Variants in ZNF366 observed in about 807,000 individuals in gnomAD.
The protein encoded by ZNF366 is dendritic cell-specific transcript protein.
Under a neutral mutation model 47.2 loss-of-function variants are expected in ZNF366, and 20 were observed. The observed-to-expected ratio is 0.42, with a 90% CI of 0.30 to 0.62. The LOEUF (loss-of-function observed/expected upper bound fraction) is 0.62, where lower values mean the gene tolerates loss of function less well. ZNF366 is among the 20% of genes least tolerant of loss of function. The pLI, the probability that ZNF366 is intolerant of heterozygous loss-of-function variation, is 0.16. For synonymous variants in ZNF366, 421 were observed against 395.1 expected, an observed-to-expected ratio of 1.07 and a Z score of -0.78; for missense variants, 987 against 976.3, an observed-to-expected ratio of 1.01 and a Z score of -0.15.
intron 1 of ZNF366, among the ~76,000 whole-genome samples, chr5:72,471,090 G>A (rs889948946): frequency 6.6e-6 from 1 of 152,150 alleles, no homozygotes; most frequent in Admixed American, 6.5e-5. Flanking sequence ...GGGGGAGCAG[G>A]CCACCATGAT....
At chr5:72,461,876 A>T (rs1028187367) in intron 1 of ZNF366, among the ~76,000 whole-genome samples, 1 of 152,242 alleles carries the variant, frequency 6.6e-6, no homozygotes, top group Non-Finnish European at 1.5e-5. Flanking sequence ...CAAAGTCCAG[A>T]TAAATGAAAT....
intron 1 of ZNF366, among the ~76,000 whole-genome samples, chr5:72,471,498 T>A (rs1038668823): frequency 6.6e-6 from 1 of 152,172 alleles, no homozygotes; most frequent in African/African-American, 2.4e-5. Context: ...ATCTGCTGTC[T>A]CTGGGGAAAA....
chr5:72,443,640 G>T lies in ZNF366; in HGVS notation c.*116C>A. On this transcript the variant is annotated 3_prime_UTR_variant, in exon 5 of 5. Transcript: ENST00000318442. ...CTACATCCCTGCTCATTTAGTCTAA[G>T]CCATTTGTAGAGATTGGTACTATTC... 8.7e-7 allele frequency: 1 copy of T among 1,156,052 alleles called. No homozygotes were observed. The highest frequency in any genetic ancestry group is 1.2e-6 in the Non-Finnish European group (1 of 834,630). 71.6% of individuals were successfully genotyped at this position (1,156,052 alleles called of 1,614,324 possible). A position where few individuals can be genotyped will look rare whatever the true frequency, so the allele number is the denominator to read the frequency against.
chr5:72,443,764 C>T lies in ZNF366; in HGVS notation c.2227G>A (p.Gly743Ser), dbSNP rs764846541. 6 of 1,612,494 alleles carry T rather than the reference C, an allele frequency of 3.7e-6. No homozygotes were observed. In the South Asian group the frequency reaches 4.4e-5, roughly 12 times the overall value. Residue 743 changes from glycine to serine, a missense_variant, in exon 5 of 5, where the codon GGT becomes AGT. Around this residue, in one of 3 missense-constraint regions of ZNF366, gnomAD observed 285 missense variants for 234.8 expected, o/e 1.21. Coordinates refer to ENST00000318442, the MANE Select transcript of ZNF366 (RefSeq NM_152625.3). The part of the protein sequence containing the change: ...RKMEKQAVLL[G>S]I ...ATTTTAAAACTGTCCACTTAGATAC[C>T]TAAAAGCACTGCTTGTTTTTCCATT... is the stretch of plus-strand genomic sequence containing the variant.
At chr5:72,455,862 T>A (rs956484487) in intron 3 of ZNF366, among the ~76,000 whole-genome samples, 14 of 152,184 alleles carry the variant, frequency 9.2e-5, no homozygotes, top group African/African-American at 2.7e-4. Flanking sequence ...TCTGAGGGGC[T>A]AGCTTTGGAA....
At chr5:72,481,440 T>A (rs1411551031) in intron 1 of ZNF366, among the ~76,000 whole-genome samples, 4 of 152,224 alleles carry the variant, frequency 2.6e-5, no homozygotes, top group African/African-American at 9.6e-5. Context: ...CAGCACTACT[T>A]ATTATATATC....
At chr5:72,478,794 AC>A (rs766600158) in intron 1 of ZNF366, among the ~76,000 whole-genome samples, 9 of 152,150 alleles carry the variant, frequency 5.9e-5, no homozygotes, top group Non-Finnish European at 1.3e-4. Flanking sequence ...GGGTTTGCTC[AC>A]CCCAAGGGGA....
intron 1 of ZNF366, among the ~76,000 whole-genome samples, chr5:72,501,883 G>A (rs1200700953): frequency 6.6e-6 from 1 of 152,194 alleles, no homozygotes; most frequent in African/African-American, 2.4e-5. Flanking sequence ...ACAAATGGGT[G>A]GGGGTGCTTG....
At chr5:72,451,499 C>T (rs1183338782) in intron 3 of ZNF366, among the ~76,000 whole-genome samples, 1 of 152,140 alleles carries the variant, frequency 6.6e-6, no homozygotes, top group Non-Finnish European at 1.5e-5. Flanking sequence ...TCATTGTTTC[C>T]TATGAAGGTT....
chr5:72,459,463 CTG>C (rs1468729093), intron 2 of ZNF366, among the ~76,000 whole-genome samples: 5 of 152,156 alleles, frequency 3.3e-5, no homozygotes, highest in African/African-American at 1.2e-4. Flanking sequence ...TGGTTGCAAA[CTG>C]GGCTGAACTC....
chr5:72,445,157 AC>A lies in ZNF366; in HGVS notation c.1700-867del, dbSNP rs539109847. Among the ~76,000 whole-genome samples the A allele has an allele frequency of 1.9e-4, 29 of 152,318 alleles. 1 individual carries two copies. In the South Asian group the frequency reaches 6.0e-3, roughly 32 times the overall value. ...ACCTCCAGTGTCCCTGCTGTTGGGC[AC>A]AGTGATTCAAGGAGGCCTCACTTTT... On this transcript the variant is annotated intron_variant, in intron 4 of 4. Transcript: ENST00000318442.
Position 72,461,431 on chromosome 5 carries a change from G to T in ZNF366, c.66C>A (p.Thr22=). Residue 22 remains threonine (T), a synonymous_variant, in exon 2 of 5, where the codon ACC becomes ACA. Transcript: ENST00000318442. ...GCTGCAGGCAGTGGGGAAAGGAGGGGGTCTTCTTCACAGCCAAGTCGAAAT... is the reference window on the plus strand; with the variant it reads ...GCTGCAGGCAGTGGGGAAAGGAGGGTGTCTTCTTCACAGCCAAGTCGAAAT... ...DVHFDLAVKK[T]PSFPHCLQPV... 1 of 1,606,946 alleles carries T rather than the reference G, an allele frequency of 6.2e-7. No individual in the cohort carries two copies. Among genetic ancestry groups the T allele is most frequent in the Non-Finnish European group, 8.5e-7 (1 of 1,174,756 alleles).
Position 72,461,429 on chromosome 5 carries a change from G to A in ZNF366, c.68C>T (p.Pro23Leu), listed in dbSNP as rs1253196174. The A allele has an allele frequency of 1.9e-6, 3 of 1,608,462 alleles. No homozygotes were observed. Among genetic ancestry groups the A allele is most frequent in the South Asian group, 1.1e-5 (1 of 90,928 alleles). Residue 23 changes from proline (P) to leucine (L), a missense_variant, in exon 2 of 5, where the codon CCC (proline) becomes CTC (leucine). Around this residue, in one of 3 missense-constraint regions of ZNF366, gnomAD observed 591 missense variants for 560.9 expected, o/e 1.05. Coordinates refer to ENST00000318442, the MANE Select transcript of ZNF366 (RefSeq NM_152625.3). ...VHFDLAVKKT[P>L]SFPHCLQPVA... ...TGGCTGCAGGCAGTGGGGAAAGGAG[G>A]GGGTCTTCTTCACAGCCAAGTCGAA...
chr5:72,499,281 A>G (rs1267907549), intron 1 of ZNF366, among the ~76,000 whole-genome samples: 1 of 152,146 alleles, frequency 6.6e-6, no homozygotes, highest in Non-Finnish European at 1.5e-5. Context: ...GTTGGAGGAA[A>G]CGCCTGCTTG....
chr5:72,493,548 T>C, intron 1 of ZNF366: 1 of 152,190 alleles, frequency 6.6e-6, no homozygotes, highest in East Asian at 1.9e-4. Flanking sequence ...AATAAAAATG[T>C]TCTTTGCTGT....
chr5:72,443,596 T>C lies in ZNF366; in HGVS notation c.*160A>G. The C allele has an allele frequency of 1.3e-6, 1 of 789,952 alleles. No homozygotes were observed. The highest frequency in any genetic ancestry group is 2.0e-6 in the Non-Finnish European group (1 of 511,420). 48.9% of individuals were successfully genotyped at this position (789,952 alleles called of 1,614,324 possible). A position where few individuals can be genotyped will look rare whatever the true frequency, so the allele number is the denominator to read the frequency against. On this transcript the variant is annotated 3_prime_UTR_variant, in exon 5 of 5. Transcript: ENST00000318442. ...GGTATCAAGGGCCCCGTGAATGACC[T>C]GAGAAGGCTTTCCATTACCTACATC...
At chr5:72,482,450 A>G (rs1189035764) in intron 1 of ZNF366, among the ~76,000 whole-genome samples, 2 of 152,212 alleles carry the variant, frequency 1.3e-5, no homozygotes, top group African/African-American at 4.8e-5. Context: ...ACTCCTCTGG[A>G]TAATTCTCAC....
rs13188519 is a variant in ZNF366, at chr5:72,443,775, G to C, written c.2216C>G (p.Ala739Gly). ...ELLERKMEKQ[A>G]VLLGI ...GTCCACTTAGATACCTAAAAGCACT[G>C]CTTGTTTTTCCATTTTCCTCTCCAG... Residue 739 changes from alanine (A) to glycine (G), a missense_variant, in exon 5 of 5, where the codon GCA becomes GGA. By Grantham distance (60) the Ala-to-Gly change is moderately conservative. Around this residue, in one of 3 missense-constraint regions of ZNF366, gnomAD observed 285 missense variants for 234.8 expected, o/e 1.21. Transcript: ENST00000318442. 163,846 of 1,612,820 alleles carry C rather than the reference G, an allele frequency of 0.1. 8,745 individuals carry two copies. Among genetic ancestry groups the C allele is most frequent in the Middle Eastern group, 0.13 (799 of 6,060 alleles).
At chr5:72,455,619 C>T (rs1462420289) in intron 3 of ZNF366, among the ~76,000 whole-genome samples, 1 of 152,140 alleles carries the variant, frequency 6.6e-6, no homozygotes, top group African/African-American at 2.4e-5. Flanking sequence ...GGGACAGCCT[C>T]GGGGAGCCGG....
Sources: gnomAD v4.1 joint callset for allele counts (sites outside exome capture counted in the v4.1 genomes callset) on GRCh38, gnomAD v4.1.1 for gene constraint, gnomAD v4.1.1 regional missense constraint, MANE v1.5 for transcripts, NCBI Gene and HGNC (gene_info 2026-07-23, HGNC 2026-07-21) for gene names.